The following PKD2L1 variants were observed in gnomAD, a reference collection of about 807,000 sequenced individuals.
PKD2L1 encodes polycystin 2 like 1, transient receptor potential cation channel.
In PKD2L1, 77 loss-of-function variants were observed where a neutral mutation model predicts 93.0. The ratio of observed to expected loss-of-function variants is 0.83; its 90% CI spans 0.69 to 1.00. The LOEUF (loss-of-function observed/expected upper bound fraction) is 1.00, where lower values mean the gene tolerates loss of function less well. Among genes scored for constraint, PKD2L1 ranks in the 50% least tolerant of loss-of-function variants. The probability of loss-of-function intolerance (pLI) is 0.00; values close to 1 mark genes in which losing one functional copy is unlikely to be tolerated. For synonymous variants in PKD2L1, 390 were observed against 388.0 expected, an observed-to-expected ratio of 1.01 and a Z score of -0.06; for missense variants, 977 against 990.9, an observed-to-expected ratio of 0.99 and a Z score of 0.19.
chr10:100,299,724 A>G lies in PKD2L1; in HGVS notation c.350-6T>C. The G allele has an allele frequency of 6.2e-7, 1 of 1,613,504 alleles. No homozygotes were observed. Among genetic ancestry groups the G allele is most frequent in the Non-Finnish European group, 8.5e-7 (1 of 1,179,406 alleles). The stretch of plus-strand genomic sequence containing the variant: ...GCTTGTCATTCCATAGGTCACTAGA[A>G]AACAACCCAAGAGGCTATGTCCTTC... On this transcript the variant is annotated splice_region_variant and splice_polypyrimidine_tract_variant and intron_variant, in intron 2 of 15. Transcript: ENST00000318222.
intron 8 of PKD2L1, 65 bp from the exon 9 acceptor site, chr10:100,294,720 C>A: frequency 6.2e-7 from 1 of 1,602,224 alleles, no homozygotes; most frequent in South Asian, 1.1e-5. Context: ...CTTTCCTAAT[C>A]ACAGAGAGAC....
In PKD2L1 at chr10:100,299,640, T is replaced by TAC; in HGVS notation, c.427_428insGT (p.Asp143GlyfsTer62). On this transcript the variant is annotated frameshift_variant, in exon 3 of 16. Coordinates refer to ENST00000318222, the MANE Select transcript of PKD2L1 (RefSeq NM_016112.3). LOFTEE classifies it high-confidence loss of function. ...GATGGCCTGAAAGGAGACTCCAGTGTCTGATGGAGTATGTAAGAAGAGCTC... is the reference window on the plus strand; with the variant it reads ...GATGGCCTGAAAGGAGACTCCAGTGTACCTGATGGAGTATGTAAGAAGAGCTC... 1 of 1,611,098 alleles carries TAC rather than the reference T, an allele frequency of 6.2e-7. No homozygotes were observed. The highest frequency in any genetic ancestry group is 8.5e-7 in the Non-Finnish European group (1 of 1,177,168).
rs1848575676 is a variant in PKD2L1, at chr10:100,297,567, G to T, written c.771C>A (p.Ser257=). Residue 257 remains serine, a synonymous_variant, in exon 5 of 16, where the codon TCC becomes TCA. Transcript: ENST00000318222. ...TGTAGCTTGTGAGCCTGCCCCAGTG[G>T]GAGAAGCCCCCCAACTCATCCTGCG... ...YHSQDELGGF[S]HWGRLTSYSG... 6.2e-7 allele frequency: 1 copy of T among 1,613,868 alleles called. No homozygotes were observed. The highest frequency in any genetic ancestry group is 1.3e-5 in the African/African-American group (1 of 74,868).
At chr10:100,292,579 T>A (rs900157418) in intron 11 of PKD2L1, among the ~76,000 whole-genome samples, 1 of 152,110 alleles carries the variant, frequency 6.6e-6, no homozygotes, top group Admixed American at 6.5e-5. Flanking sequence ...TGTGTATTAA[T>A]ATGTTTGACT....
At chr10:100,315,366 A>G (rs1018817623) in intron 2 of PKD2L1, among the ~76,000 whole-genome samples, 2 of 151,926 alleles carry the variant, frequency 1.3e-5, no homozygotes, top group African/African-American at 2.4e-5. Flanking sequence ...CTATCGACTC[A>G]TCATCTAGGT....
chr10:100,301,873 G>A (rs1044075774), intron 2 of PKD2L1, among the ~76,000 whole-genome samples: 10 of 152,156 alleles, frequency 6.6e-5, no homozygotes, highest in African/African-American at 2.4e-4. Flanking sequence ...TTCTGTCACG[G>A]CTTCAGCAGG....
chr10:100,306,227 C>A (rs1396750028), intron 2 of PKD2L1, among the ~76,000 whole-genome samples: 1 of 152,204 alleles, frequency 6.6e-6, no homozygotes, highest in Admixed American at 6.5e-5. Flanking sequence ...AAGTGATACT[C>A]GTGGTCATGG....
chr10:100,322,815 G>A (rs1358677970), intron 2 of PKD2L1, among the ~76,000 whole-genome samples: 1 of 152,182 alleles, frequency 6.6e-6, no homozygotes, highest in Non-Finnish European at 1.5e-5. Flanking sequence ...GGCCATAGTA[G>A]ACTCCAGTGG....
At chr10:100,302,256 T>TATAC (rs1554916599) in intron 2 of PKD2L1, among the ~76,000 whole-genome samples, 2 of 147,020 alleles carry the variant, frequency 1.4e-5, no homozygotes, top group Non-Finnish European at 3.0e-5. Context: ...CACACACGCA[T>TATAC]ACACACACAC....
At chr10:100,316,359 A>G (rs1038455632) in intron 2 of PKD2L1, among the ~76,000 whole-genome samples, 4 of 152,152 alleles carry the variant, frequency 2.6e-5, no homozygotes, top group African/African-American at 9.7e-5. Flanking sequence ...TTTAGTAGAG[A>G]TGGGGTTTCT....
intron 2 of PKD2L1, among the ~76,000 whole-genome samples, chr10:100,319,104 C>T (rs1849171490): frequency 6.6e-6 from 1 of 152,144 alleles, no homozygotes; most frequent in Non-Finnish European, 1.5e-5. Context: ...CCTCAGCCTC[C>T]CAAAGTTTTG....
rs962938259 is a variant in PKD2L1 at position 100,301,582 on chromosome 10, C to T, written c.350-1864G>A. On this transcript the variant is annotated intron_variant, in intron 2 of 15. Transcript: ENST00000318222. ...AAGAGAAATATGGGTCTGTCCTGCC[C>T]GGCCCACAGGCAGCCAGACTTTAAG... 3.9e-5 allele frequency among the ~76,000 whole-genome samples: 6 copies of T among 152,192 alleles called. No individual in the cohort carries two copies. The East Asian group carries it at 7.7e-4, about 20-fold the overall frequency.
chr10:100,296,048 AG>A (rs112757703), intron 7 of PKD2L1, 73 bp downstream of exon 7: 12 of 1,362,764 alleles, frequency 8.8e-6, no homozygotes, highest in Admixed American at 4.5e-5. Context: ...AAAAAAAAAA[AG>A]AAAAAAAAGA....
At chr10:100,303,930 T>C (rs1404173672) in intron 2 of PKD2L1, among the ~76,000 whole-genome samples, 2 of 152,218 alleles carry the variant, frequency 1.3e-5, no homozygotes, top group Non-Finnish European at 2.9e-5. Flanking sequence ...TGCTACAGCT[T>C]TTCCTCTTTT....
intron 2 of PKD2L1, among the ~76,000 whole-genome samples, chr10:100,326,326 A>G (rs1849378986): frequency 6.6e-6 from 1 of 152,098 alleles, no homozygotes; most frequent in African/African-American, 2.4e-5. Context: ...TTTGCTTCTC[A>G]AACTCTCTGC....
Position 100,299,594 on chromosome 10 carries a change from C to T in PKD2L1, c.474G>A (p.Trp158Ter), listed in dbSNP as rs781769116. 1 of 1,613,896 alleles carries T rather than the reference C, an allele frequency of 6.2e-7. No individual in the cohort carries two copies. Among genetic ancestry groups the T allele is most frequent in the Admixed American group, 1.7e-5 (1 of 60,030 alleles). ...GTAGAAAAGATCTTATACTCACATC[C>T]CAGAAGTCCGCCATGCTGCTGATGG... is the stretch of plus-strand genomic sequence containing the variant. ...FQAISSMADF[W>*]DFAQGPLLDS... The change falls in exon 3 of 16, where the codon TGG (tryptophan) becomes TGA (stop). Residue 158 changes from tryptophan (W) to a stop codon, truncating the protein, a stop_gained. Coordinates refer to ENST00000318222, the MANE Select transcript of PKD2L1 (RefSeq NM_016112.3). LOFTEE classifies it high-confidence loss of function.
At chr10:100,308,435 A>G (rs751638473) in intron 2 of PKD2L1, among the ~76,000 whole-genome samples, 1 of 152,010 alleles carries the variant, frequency 6.6e-6, no homozygotes, top group Non-Finnish European at 1.5e-5. Flanking sequence ...CCTAGGTTCA[A>G]GCAATTCTCC....
intron 2 of PKD2L1, among the ~76,000 whole-genome samples, chr10:100,309,409 A>T (rs529551001): frequency 8.5e-5 from 13 of 152,218 alleles, no homozygotes; most frequent in Non-Finnish European, 1.6e-4. Context: ...CATTAAAAAA[A>T]TTTTTTGTCT....
chr10:100,304,347 C>T (rs537097378), intron 2 of PKD2L1, among the ~76,000 whole-genome samples: 5 of 152,234 alleles, frequency 3.3e-5, no homozygotes, highest in Middle Eastern at 3.4e-3. Flanking sequence ...CTAATACCTC[C>T]GATGTTCATA....
Sources: allele counts gnomAD v4.1 joint callset (sites outside exome capture counted in the v4.1 genomes callset), GRCh38; gene constraint gnomAD v4.1.1; transcripts MANE v1.5; gene names NCBI Gene and HGNC (gene_info 2026-07-23, HGNC 2026-07-21).